UQCRC1: variants seen among roughly 807,000 people sequenced by gnomAD.
UQCRC1 encodes cytochrome b-c1 complex subunit 1, mitochondrial.
A neutral mutation model predicts 58.0 loss-of-function variants in UQCRC1; 34 were observed. The ratio of observed to expected loss-of-function variants is 0.59; its 90% CI spans 0.45 to 0.78. The LOEUF (loss-of-function observed/expected upper bound fraction) is 0.78, where lower values mean the gene tolerates loss of function less well. UQCRC1 is among the 30% of genes least tolerant of loss of function. The probability of loss-of-function intolerance (pLI) is 0.00; values close to 1 mark genes in which losing one functional copy is unlikely to be tolerated. For missense variants in UQCRC1, 610 were observed against 646.0 expected, an observed-to-expected ratio of 0.94 and a Z score of 0.60; for synonymous variants, 276 against 248.8, an observed-to-expected ratio of 1.11 and a Z score of -1.03.
intron 2 of UQCRC1, among the ~76,000 whole-genome samples, 194 bp from the exon 3 acceptor site, chr3:48,606,050 G>A (rs776880377): frequency 1.3e-5 from 2 of 152,144 alleles, no homozygotes; most frequent in Non-Finnish European, 1.5e-5. Context: ...CGAATGACTC[G>A]TCACACCACA....
intron 2 of UQCRC1, among the ~76,000 whole-genome samples, chr3:48,608,268 A>G (rs1254451329): frequency 2.0e-5 from 3 of 152,204 alleles, no homozygotes; most frequent in African/African-American, 7.2e-5. Context: ...AGAGATGTCA[A>G]TGCATATACC....
chr3:48,600,199 A>T (rs1358541472), intron 10 of UQCRC1, 48 bp from the exon 11 acceptor site: 2 of 1,592,450 alleles, frequency 1.3e-6, no homozygotes, highest in Non-Finnish European at 1.7e-6. Context: ...CCAATCCTGG[A>T]CCCACAGGTA....
Position 48,601,462 on chromosome 3 carries a change from C to T in UQCRC1, c.712G>A (p.Glu238Lys). 6.2e-7 allele frequency: 1 copy of T among 1,613,836 alleles called. No individual in the cohort carries two copies. Among genetic ancestry groups the T allele is most frequent in the Non-Finnish European group, 8.5e-7 (1 of 1,179,926 alleles). The change falls in exon 7 of 13, where the codon GAG (glutamate) becomes AAG (lysine). Residue 238 changes from glutamate to lysine, a missense_variant. Physicochemically the swap from Glu to Lys is moderately conservative, Grantham distance 56. Transcript: ENST00000203407. ...RMVLAAAGGV[E>K]HQQLLDLAQK... ...GCGAGGTCTAACAGTTGCTGGTGCT[C>T]CACTCCTGCTGAGACAGACAGTGGC...
rs953114128 is a variant in UQCRC1 at position 48,599,073 on chromosome 3, TGG to T, written c.*53_*54del. ...AGGAGCCGAAGTGCTGTGTTTGTGGTGGGGGGGGGACCACAAACCCCGGCCCT... is the reference window on the plus strand; with the variant it reads ...AGGAGCCGAAGTGCTGTGTTTGTGGTGGGGGGGACCACAAACCCCGGCCCT... On this transcript the variant is annotated 3_prime_UTR_variant, in exon 13 of 13. Coordinates refer to ENST00000203407, the MANE Select transcript of UQCRC1 (RefSeq NM_003365.3). 6.5e-7 allele frequency: 1 copy of T among 1,540,044 alleles called. No homozygotes were observed. Among genetic ancestry groups the T allele is most frequent in the South Asian group, 1.1e-5 (1 of 86,976 alleles).
intron 10 of UQCRC1, 73 bp from the exon 11 acceptor site, chr3:48,600,224 A>C: frequency 3.3e-6 from 5 of 1,536,068 alleles, no homozygotes; most frequent in Non-Finnish European, 4.5e-6. Flanking sequence ...AACAATCTCC[A>C]GCCTCAGGTT....
chr3:48,604,115 A>T, intron 5 of UQCRC1, 118 bp downstream of exon 5: 3 of 1,079,416 alleles, frequency 2.8e-6, no homozygotes, highest in Non-Finnish European at 2.7e-6. Context: ...AACTGTCTCC[A>T]GTTGCATAAC....
Position 48,599,034 on chromosome 3 carries a change from G to A in UQCRC1, c.*94C>T. ...CAGAGGATTTTATTGGTGGTCACCT[G>A]TGGCACAGGTTAGAGGAGCCGAAGT... is the stretch of plus-strand genomic sequence containing the variant. On this transcript the variant is annotated 3_prime_UTR_variant, in exon 13 of 13. Transcript: ENST00000203407. 7.0e-7 allele frequency: 1 copy of A among 1,436,140 alleles called. No homozygotes were observed. The allele number at this position is 1,436,140 out of a possible 1,614,324, so 89.0% of individuals were successfully genotyped here.
chr3:48,600,237 C>T (rs2046351811), intron 10 of UQCRC1, 86 bp from the exon 11 acceptor site: 2 of 1,461,812 alleles, frequency 1.4e-6, no homozygotes, highest in Non-Finnish European at 1.9e-6. Flanking sequence ...CTCAGGTTGA[C>T]AAGGACCTCC....
intron 2 of UQCRC1, among the ~76,000 whole-genome samples, chr3:48,607,780 T>C (rs1369098234): frequency 6.6e-6 from 1 of 152,150 alleles, no homozygotes; most frequent in African/African-American, 2.4e-5. Context: ...TCAGGGATTC[T>C]GAATTATCCA....
At chr3:48,607,018 C>A (rs1393805533) in intron 2 of UQCRC1, among the ~76,000 whole-genome samples, 2 of 151,808 alleles carry the variant, frequency 1.3e-5, no homozygotes, top group Admixed American at 1.3e-4. Context: ...ACCACCACGC[C>A]CAGCTAATTT....
chr3:48,608,130 T>C (rs2046430519), intron 2 of UQCRC1, among the ~76,000 whole-genome samples: 2 of 152,174 alleles, frequency 1.3e-5, no homozygotes, highest in South Asian at 2.1e-4. Flanking sequence ...ACCCATTAAG[T>C]AGTTTCTCAT....
At chr3:48,599,376 G>A in intron 12 of UQCRC1, 184 bp from the exon 13 acceptor site, 2 of 755,802 alleles carry the variant, frequency 2.6e-6, no homozygotes, top group Non-Finnish European at 4.2e-6. Flanking sequence ...GGCCCTTGAA[G>A]CCCCACCCCA....
intron 2 of UQCRC1, among the ~76,000 whole-genome samples, chr3:48,608,604 G>A (rs1317910580): frequency 6.6e-6 from 1 of 152,200 alleles, no homozygotes; most frequent in Non-Finnish European, 1.5e-5. Flanking sequence ...TGGGGCTGGG[G>A]GCTGAAAGGA....
intron 6 of UQCRC1, among the ~76,000 whole-genome samples, chr3:48,602,539 T>G (rs2046375979): frequency 6.6e-6 from 1 of 151,424 alleles, no homozygotes; most frequent in African/African-American, 2.4e-5. Flanking sequence ...TTTTTTTTTT[T>G]TGAGATGGAG....
At chr3:48,600,912 G>T in intron 8 of UQCRC1, 63 bp downstream of exon 8, 1 of 1,608,332 alleles carries the variant, frequency 6.2e-7, no homozygotes, top group Non-Finnish European at 8.5e-7. Flanking sequence ...ACGCACAGGA[G>T]CACACAGCCC....
chr3:48,603,313 A>G (rs1303258284), intron 6 of UQCRC1, among the ~76,000 whole-genome samples: 2 of 152,196 alleles, frequency 1.3e-5, no homozygotes, highest in Admixed American at 6.5e-5. Context: ...TCAGTATCCT[A>G]GAACCAGGTG....
chr3:48,604,402 T>C lies in UQCRC1; in HGVS notation c.457A>G (p.Asn153Asp). 6.2e-7 allele frequency: 1 copy of C among 1,614,208 alleles called. No homozygotes were observed. Among genetic ancestry groups the C allele is most frequent in the Non-Finnish European group, 8.5e-7 (1 of 1,180,042 alleles). ...AVELLGDIVQ[N>D]CSLEDSQIEK... ...ATCTGTGAGTCTTCCAGACTACAGT[T>C]CTGCACAATGTCACCCAGGAGCTCC... The change falls in exon 5 of 13, where the codon AAC (asparagine) becomes GAC (aspartate). Residue 153 changes from asparagine to aspartate, a missense_variant. Asn to Asp is a conservative substitution (Grantham distance 23). Coordinates refer to ENST00000203407, the MANE Select transcript of UQCRC1 (RefSeq NM_003365.3).
chr3:48,602,351 T>C (rs571453648), intron 6 of UQCRC1, among the ~76,000 whole-genome samples: 6 of 150,256 alleles, frequency 4.0e-5, no homozygotes, highest in Admixed American at 4.0e-4. Context: ...GCGCCCGGCC[T>C]GCGTTGGCCT....
At chr3:48,608,044 A>G (rs886509545) in intron 2 of UQCRC1, among the ~76,000 whole-genome samples, 3 of 150,998 alleles carry the variant, frequency 2.0e-5, no homozygotes, top group African/African-American at 7.3e-5. Context: ...CTGGTCTTGA[A>G]CTCCTGGCCT....
Sources: gnomAD v4.1 joint callset for allele counts (sites outside exome capture counted in the v4.1 genomes callset) on GRCh38, gnomAD v4.1.1 for gene constraint, MANE v1.5 for transcripts, NCBI Gene and HGNC (gene_info 2026-07-23, HGNC 2026-07-21) for gene names.